The following YY1 variants were observed in gnomAD, a reference collection of about 807,000 sequenced individuals.
The protein encoded by YY1 is YY1 transcription factor.
In YY1, 2 loss-of-function variants were observed where a neutral mutation model predicts 35.6. The observed-to-expected ratio is 0.06, with a 90% confidence interval of 0.02 to 0.18. The LOEUF (loss-of-function observed/expected upper bound fraction) is 0.18, where lower values mean the gene tolerates loss of function less well. Among genes scored for constraint, YY1 ranks in the 10% least tolerant of loss-of-function variants. The pLI is 1.00. For synonymous variants in YY1, 268 were observed against 238.9 expected, an observed-to-expected ratio of 1.12 and a Z score of -1.12; for missense variants, 322 against 573.4, an observed-to-expected ratio of 0.56 and a Z score of 4.48.
intron 2 of YY1, among the ~76,000 whole-genome samples, chr14:100,269,621 T>A (rs1029687907): frequency 6.6e-6 from 1 of 152,158 alleles, no homozygotes; most frequent in Non-Finnish European, 1.5e-5. Context: ...TTTTGAAAAA[T>A]GACTTTTTTC....
intron 1 of YY1, among the ~76,000 whole-genome samples, chr14:100,243,534 T>A (rs780056903): frequency 1.3e-5 from 2 of 152,148 alleles, no homozygotes; most frequent in Non-Finnish European, 2.9e-5. Context: ...GGCTCACACC[T>A]GTAGTCCCAG....
chr14:100,267,299 A>G (rs1215660729), intron 2 of YY1, among the ~76,000 whole-genome samples: 3 of 152,236 alleles, frequency 2.0e-5, no homozygotes, highest in African/African-American at 7.2e-5. Flanking sequence ...CTTGTAGAGC[A>G]TTAAGTGTGA....
At chr14:100,257,107 G>A (rs778437059) in intron 1 of YY1, among the ~76,000 whole-genome samples, 1 of 152,136 alleles carries the variant, frequency 6.6e-6, no homozygotes, top group Non-Finnish European at 1.5e-5. Flanking sequence ...TCTTTAGACA[G>A]AGCTAGTTGT....
Position 100,277,334 on chromosome 14 carries a change from T to C in YY1, c.1063-84T>C. On this transcript the variant is annotated intron_variant, in intron 4 of 4. Coordinates refer to ENST00000262238, the MANE Select transcript of YY1 (RefSeq NM_003403.5). The surrounding 1 kb of genome is among the most constrained non-coding windows in gnomAD (Gnocchi z 5.6). ...AGTGTTTGGTAAAATAAATAGGCTG[T>C]TCTCTAGCAAAGCAGTGAGCTCCTG... The C allele has an allele frequency of 3.3e-6, 5 of 1,492,818 alleles. No homozygotes were observed. The highest frequency in any genetic ancestry group is 4.7e-6 in the Non-Finnish European group (5 of 1,071,452). The allele number at this position is 1,492,818 out of a possible 1,614,324, so 92.5% of individuals were successfully genotyped here.
At chr14:100,243,272 G>A (rs1595312221) in intron 1 of YY1, among the ~76,000 whole-genome samples, 2 of 152,326 alleles carry the variant, frequency 1.3e-5, no homozygotes, top group South Asian at 4.1e-4. Context: ...TGAGCATGGT[G>A]GGCAGCATTA....
chr14:100,240,055 T>TGCGGCGGCGGGGGCGCG (rs1321774430), intron 1 of YY1, 132 bp downstream of exon 1: 57 of 638,560 alleles, frequency 8.9e-5, no homozygotes, highest in Non-Finnish European at 1.1e-4. Flanking sequence ...TGGCGGGCCG[T>TGCGGCGGCGGGGGCGCG]GCGGCGGCGG....
intron 2 of YY1, among the ~76,000 whole-genome samples, chr14:100,266,459 G>A (rs1304951323): frequency 3.9e-5 from 6 of 152,180 alleles, no homozygotes; most frequent in Non-Finnish European, 8.8e-5. Context: ...TTAGGTGTTG[G>A]TGACCCTTGG....
intron 1 of YY1, among the ~76,000 whole-genome samples, chr14:100,258,768 T>C (rs2139585292): frequency 6.6e-6 from 1 of 152,370 alleles, no homozygotes; most frequent in South Asian, 2.1e-4. Flanking sequence ...TTCCTTGTAA[T>C]GATGTATAAT....
intron 2 of YY1, among the ~76,000 whole-genome samples, chr14:100,263,124 T>A (rs957350304): frequency 2.6e-5 from 4 of 152,214 alleles, no homozygotes; most frequent in Non-Finnish European, 2.9e-5. Flanking sequence ...GCCAGTCTGG[T>A]CTCGAACCAG....
At chr14:100,273,665 G>GATTT (rs1481653314) in intron 2 of YY1, among the ~76,000 whole-genome samples, 1 of 152,028 alleles carries the variant, frequency 6.6e-6, no homozygotes, top group African/African-American at 2.4e-5. Context: ...ACACCCGGCT[G>GATTT]ATTTATTTAT....
intron 2 of YY1, among the ~76,000 whole-genome samples, chr14:100,268,073 G>A (rs1891180799): frequency 6.6e-6 from 1 of 152,176 alleles, no homozygotes; most frequent in East Asian, 1.9e-4. Flanking sequence ...CGCTAATTAC[G>A]GCCCATAGAA....
intron 1 of YY1, among the ~76,000 whole-genome samples, chr14:100,256,160 A>G (rs909120512): frequency 4.6e-5 from 7 of 151,916 alleles, no homozygotes; most frequent in Admixed American, 2.6e-4. Context: ...AAAAACATCT[A>G]TATGCCAGTG....
At chr14:100,245,383 A>G (rs1035589442) in intron 1 of YY1, among the ~76,000 whole-genome samples, 3 of 152,058 alleles carry the variant, frequency 2.0e-5, no homozygotes, top group Non-Finnish European at 4.4e-5. Flanking sequence ...CTGGGTTCAG[A>G]GTATCTTCCT....
chr14:100,241,317 C>T (rs1254276902), intron 1 of YY1, among the ~76,000 whole-genome samples: 1 of 152,060 alleles, frequency 6.6e-6, no homozygotes, highest in Non-Finnish European at 1.5e-5. Context: ...AATATGGTGA[C>T]CTTTGAGTAT....
intron 1 of YY1, among the ~76,000 whole-genome samples, chr14:100,243,227 G>T (rs1469049927): frequency 6.6e-6 from 1 of 152,224 alleles, no homozygotes; most frequent in Non-Finnish European, 1.5e-5. Flanking sequence ...TGGGTTAATT[G>T]TTGGGTAAAT....
Position 100,279,542 on chromosome 14 carries a change from G to C in YY1, c.*1942G>C, listed in dbSNP as rs1373347115. ...CTGAGTTAAGCAGAAGACCCCAGCT[G>C]TTTTCTGGGTAAGCCAGGCTTTGCT... On this transcript the variant is annotated 3_prime_UTR_variant, in exon 5 of 5. Transcript: ENST00000262238. 1.3e-5 allele frequency: 2 copies of C among 152,270 alleles called. No homozygotes were observed. The highest frequency in any genetic ancestry group is 2.9e-5 in the Non-Finnish European group (2 of 68,046). 9.4% of individuals were successfully genotyped at this position (152,270 alleles called of 1,614,324 possible).
At chr14:100,273,024 C>G (rs1285492772) in intron 2 of YY1, among the ~76,000 whole-genome samples, 2 of 148,686 alleles carry the variant, frequency 1.3e-5, no homozygotes, top group Non-Finnish European at 3.0e-5. Flanking sequence ...TGCAGTGGCA[C>G]GATCCCGGCT....
intron 1 of YY1, among the ~76,000 whole-genome samples, chr14:100,241,574 A>G (rs1021069685): frequency 5.9e-5 from 9 of 152,206 alleles, no homozygotes; most frequent in African/African-American, 2.2e-4. Flanking sequence ...AGCAGAAACT[A>G]TGTTTAAATG....
In YY1 at chr14:100,277,614, G is replaced by T. The variant is rs1891341541; in HGVS notation, c.*14G>T. ...AACAACCAGTGAAAAGAAGAGAGAA[G>T]ACCCTTCTCGACCACGGGAAGCATC... On this transcript the variant is annotated 3_prime_UTR_variant, in exon 5 of 5. Transcript: ENST00000262238. This position sits in a 1 kb window ranked among gnomAD's most constrained non-coding sequence, Gnocchi z 5.6. 1 of 1,613,214 alleles carries T rather than the reference G, an allele frequency of 6.2e-7. No individual in the cohort carries two copies. The highest frequency in any genetic ancestry group is 1.3e-5 in the African/African-American group (1 of 74,888).
Sources: gnomAD v4.1 joint callset for allele counts (sites outside exome capture counted in the v4.1 genomes callset) on GRCh38, gnomAD v4.1.1 for gene constraint, Gnocchi (gnomAD v3.1) non-coding constraint, MANE v1.5 for transcripts, NCBI Gene and HGNC (gene_info 2026-07-23, HGNC 2026-07-21) for gene names.